Variants in TMEM108 observed in about 807,000 individuals in gnomAD.
TMEM108 encodes transmembrane protein 108, also known as cancer/testis antigen 124.
TMEM108 carries 12 observed loss-of-function variants against 35.1 expected under a neutral mutation model. The observed-to-expected ratio is 0.34, with a 90% confidence interval of 0.22 to 0.55. The LOEUF is 0.55. Ranked by LOEUF, TMEM108 falls within the 20% of genes least tolerant of loss-of-function variation. TMEM108 has a pLI of 0.89. For synonymous variants in TMEM108, 287 were observed against 308.6 expected, an observed-to-expected ratio of 0.93 and a Z score of 0.73; for missense variants, 680 against 753.3, an observed-to-expected ratio of 0.90 and a Z score of 1.14.
chr3:133,206,126 G>A (rs1039840307), intron 2 of TMEM108, among the ~76,000 whole-genome samples: 5 of 152,126 alleles, frequency 3.3e-5, no homozygotes, highest in Admixed American at 3.3e-4. Context: ...CGAAGTTCTC[G>A]TGCTGTGTTT....
intron 3 of TMEM108, among the ~76,000 whole-genome samples, chr3:133,235,136 A>G (rs1946215028): frequency 1.3e-5 from 2 of 152,218 alleles, no homozygotes; most frequent in South Asian, 4.1e-4. Context: ...TTCCATGTTC[A>G]TGGATAGGAA....
chr3:133,370,871 AGTGTGTGTGT>A (rs71624013), intron 3 of TMEM108, among the ~76,000 whole-genome samples: 2,646 of 125,528 alleles, frequency 0.021, 86 homozygotes, highest in Admixed American at 0.086. Flanking sequence ...CCCAGCCCAT[AGTGTGTGTGT>A]GTGTGTGTGT....
At chr3:133,091,599 T>C (rs1943947630) in intron 2 of TMEM108, among the ~76,000 whole-genome samples, 1 of 152,248 alleles carries the variant, frequency 6.6e-6, no homozygotes. Context: ...TTGAAAACTT[T>C]GCATTTGTCA....
chr3:133,154,534 A>T (rs1944849040), intron 2 of TMEM108, among the ~76,000 whole-genome samples: 1 of 152,216 alleles, frequency 6.6e-6, no homozygotes, highest in Non-Finnish European at 1.5e-5. Flanking sequence ...TGCAGCCATA[A>T]AAAATGATGA....
intron 2 of TMEM108, 34 bp from the exon 3 acceptor site, chr3:133,229,232 C>T (rs549038334): frequency 4.3e-6 from 6 of 1,382,682 alleles, no homozygotes; most frequent in African/African-American, 4.3e-5. Context: ...TTATGTTCCT[C>T]AGATGTAACA....
chr3:133,358,718 A>G (rs2107788184), intron 3 of TMEM108, among the ~76,000 whole-genome samples: 1 of 151,840 alleles, frequency 6.6e-6, no homozygotes, highest in East Asian at 1.9e-4. Flanking sequence ...GCTCCAGGAC[A>G]CCTTCCCTCC....
At chr3:133,348,499 G>A (rs189469307) in intron 3 of TMEM108, among the ~76,000 whole-genome samples, 328 of 152,232 alleles carry the variant, frequency 2.2e-3, no homozygotes, top group African/African-American at 7.5e-3. Flanking sequence ...AGAGTGAAGC[G>A]GAGTGGAGGC....
At chr3:133,220,185 A>G (rs868214243) in intron 2 of TMEM108, among the ~76,000 whole-genome samples, 1 of 150,080 alleles carries the variant, frequency 6.7e-6, no homozygotes, top group Non-Finnish European at 1.5e-5. Flanking sequence ...TTATTTTTCC[A>G]TCCCTTCACT....
chr3:133,315,298 G>A (rs2071183465), intron 3 of TMEM108, among the ~76,000 whole-genome samples: 1 of 152,226 alleles, frequency 6.6e-6, no homozygotes, highest in Non-Finnish European at 1.5e-5. Flanking sequence ...ATAAAGAGAA[G>A]CCGCTCAGAG....
intron 3 of TMEM108, among the ~76,000 whole-genome samples, chr3:133,359,523 A>G (rs1307126991): frequency 6.6e-6 from 1 of 152,132 alleles, no homozygotes; most frequent in African/African-American, 2.4e-5. Context: ...GAGAGGGAAA[A>G]TGTAGCTAAG....
chr3:133,220,779 G>A (rs1006323326), intron 2 of TMEM108, among the ~76,000 whole-genome samples: 5 of 152,108 alleles, frequency 3.3e-5, no homozygotes, highest in Admixed American at 2.6e-4. Flanking sequence ...CCACAAGACT[G>A]CTCCCTACTT....
chr3:133,321,100 C>T (rs1392667635), intron 3 of TMEM108, among the ~76,000 whole-genome samples: 4 of 151,920 alleles, frequency 2.6e-5, no homozygotes, highest in Non-Finnish European at 5.9e-5. Flanking sequence ...GCCCATAAAA[C>T]AATAACACAA....
chr3:133,343,682 G>A (rs555785214), intron 3 of TMEM108, among the ~76,000 whole-genome samples: 1 of 152,010 alleles, frequency 6.6e-6, no homozygotes, highest in South Asian at 2.1e-4. Flanking sequence ...GTGATTGGGG[G>A]AGGAGGGTCA....
chr3:133,110,501 C>T (rs973546853), intron 2 of TMEM108, among the ~76,000 whole-genome samples: 4 of 152,158 alleles, frequency 2.6e-5, no homozygotes, highest in African/African-American at 7.2e-5. Context: ...AAGGCATGTT[C>T]GTGACATTTC....
intron 3 of TMEM108, among the ~76,000 whole-genome samples, chr3:133,284,000 A>T (rs1361672845): frequency 6.6e-6 from 1 of 152,166 alleles, no homozygotes; most frequent in Non-Finnish European, 1.5e-5. Flanking sequence ...AGTGGCTACC[A>T]TACTGGAAAG....
At chr3:133,304,737 C>T (rs1311347940) in intron 3 of TMEM108, among the ~76,000 whole-genome samples, 1 of 152,088 alleles carries the variant, frequency 6.6e-6, no homozygotes, top group African/African-American at 2.4e-5. Context: ...AATTTGTTCA[C>T]CTATTCACTA....
intron 2 of TMEM108, among the ~76,000 whole-genome samples, chr3:133,163,778 A>T (rs1189768789): frequency 6.6e-6 from 1 of 152,110 alleles, no homozygotes; most frequent in Non-Finnish European, 1.5e-5. Flanking sequence ...GAGTCTTCTG[A>T]TAATTTTGCC....
chr3:133,171,410 TCTGTCACCTATG>T (rs1455721213), intron 2 of TMEM108, among the ~76,000 whole-genome samples: 2 of 152,214 alleles, frequency 1.3e-5, no homozygotes, highest in Middle Eastern at 3.2e-3. Flanking sequence ...GGAGTCTTGC[TCTGTCACCTATG>T]CTGGAGTGCA....
intron 2 of TMEM108, among the ~76,000 whole-genome samples, chr3:133,206,030 AGTTTATTTCATT>A (rs2107833419): frequency 6.6e-6 from 1 of 152,164 alleles, no homozygotes; most frequent in Non-Finnish European, 1.5e-5. Context: ...TTGTCTTCAC[AGTTTATTTCATT>A]AAGTTGATCC....
Sources: allele counts gnomAD v4.1 joint callset (sites outside exome capture counted in the v4.1 genomes callset), GRCh38; gene constraint gnomAD v4.1.1; transcripts MANE v1.5; gene names NCBI Gene and HGNC (gene_info 2026-07-23, HGNC 2026-07-21).